Variants in DPP6 observed in about 807,000 individuals in gnomAD.
DPP6 encodes the protein A-type potassium channel modulatory protein DPP6.
In DPP6, 69 loss-of-function variants were observed where a neutral mutation model predicts 122.6. The observed-to-expected ratio is 0.56, with a 90% CI of 0.46 to 0.69. DPP6 has a LOEUF of 0.69. Among genes scored for constraint, DPP6 ranks in the 30% least tolerant of loss-of-function variants. The probability of loss-of-function intolerance (pLI) is 0.00; values close to 1 mark genes in which losing one functional copy is unlikely to be tolerated. For missense variants in DPP6, 928 were observed against 1,116.9 expected (o/e 0.83, Z 2.41); for synonymous variants, 418 against 433.1 (o/e 0.97, Z 0.43).
At chr7:153,804,100 A>AGT in the DPP6 span, among the ~76,000 whole-genome samples, 1 of 150,370 alleles carries the variant, frequency 6.7e-6, no homozygotes, top group Non-Finnish European at 1.5e-5. Context: ...CTCAGGCTGG[A>AGT]GTGCAGTGGT....
intron 1 of DPP6, among the ~76,000 whole-genome samples, chr7:153,892,264 G>T (rs537835444): frequency 2.0e-5 from 3 of 152,128 alleles, no homozygotes; most frequent in Non-Finnish European, 4.4e-5. Flanking sequence ...GCAGAGGCTC[G>T]TTGAGGTTTT....
intron 1 of DPP6, chr7:154,093,039 C>A (rs926801118): frequency 6.6e-6 from 1 of 151,932 alleles, no homozygotes; most frequent in Non-Finnish European, 1.5e-5. Context: ...ACCACTCTTA[C>A]CTTCGAACAC....
chr7:154,414,766 C>T (rs1427826693), intron 1 of DPP6, among the ~76,000 whole-genome samples: 1 of 152,200 alleles, frequency 6.6e-6, no homozygotes, highest in African/African-American at 2.4e-5. Flanking sequence ...AACTGTCCCC[C>T]TTGTGTGGCT....
At chr7:154,736,782 T>C (rs1842588910) in intron 8 of DPP6, among the ~76,000 whole-genome samples, 1 of 152,248 alleles carries the variant, frequency 6.6e-6, no homozygotes, top group African/African-American at 2.4e-5. Context: ...GAGTACTTAA[T>C]AAATGTTCAG....
At chr7:153,979,643 C>T (rs1331120607) in intron 1 of DPP6, among the ~76,000 whole-genome samples, 1 of 152,182 alleles carries the variant, frequency 6.6e-6, no homozygotes, top group Non-Finnish European at 1.5e-5. Context: ...GGGAATGTTT[C>T]CAGCTTTTGC....
At position 154,486,793 on chromosome 7, in the gene DPP6, A is replaced by G. The variant is rs1586426360; in HGVS notation, c.457+11756A>G. Among the ~76,000 whole-genome samples the G allele has an allele frequency of 2.0e-5, 3 of 152,224 alleles. No homozygotes were observed. In the East Asian group the frequency reaches 5.8e-4, roughly 29 times the overall value. ...TGGGGCAGGGCAGCCGATTTCTTCCACACCACGCTGGTCCCTTCCAGAGGT... is the reference window on the plus strand; with the variant it reads ...TGGGGCAGGGCAGCCGATTTCTTCCGCACCACGCTGGTCCCTTCCAGAGGT... On this transcript the variant is annotated intron_variant, in intron 3 of 25. Coordinates refer to ENST00000377770, the MANE Select transcript of DPP6 (RefSeq NM_130797.4). This position sits in a 1 kb window ranked among gnomAD's most constrained non-coding sequence, Gnocchi z 4.5.
intron 1 of DPP6, among the ~76,000 whole-genome samples, chr7:153,969,366 GT>G (rs66748504): frequency 0.98 from 143,779 of 146,192 alleles, 70,728 homozygotes; most frequent in East Asian, 1. Flanking sequence ...TGACAGTTTT[GT>G]TCGAGCTGCT....
chr7:154,102,916 A>ACATGTGAT (rs1212005559), intron 1 of DPP6, among the ~76,000 whole-genome samples: 1 of 152,120 alleles, frequency 6.6e-6, no homozygotes, highest in African/African-American at 2.4e-5. Flanking sequence ...GTTCCACTCA[A>ACATGTGAT]CATGTGATCG....
intron 1 of DPP6, among the ~76,000 whole-genome samples, chr7:154,404,970 AG>A (rs1170548568): frequency 1.3e-5 from 2 of 152,272 alleles, no homozygotes; most frequent in African/African-American, 4.8e-5. Flanking sequence ...GAATAAGTTT[AG>A]TAATAATAAC....
At chr7:154,185,419 C>T (rs74907544) in intron 1 of DPP6, among the ~76,000 whole-genome samples, 2,317 of 152,130 alleles carry the variant, frequency 0.015, 35 homozygotes, top group Non-Finnish European at 0.022. Context: ...TAAATGTCCA[C>T]GCTGGGTATC....
chr7:154,656,429 G>A lies in DPP6; in HGVS notation c.681-12931G>A, dbSNP rs984199354. 2.0e-5 allele frequency among the ~76,000 whole-genome samples: 3 copies of A among 151,176 alleles called. No homozygotes were observed. In the East Asian group the frequency reaches 5.9e-4, roughly 30 times the overall value. On this transcript the variant is annotated intron_variant, in intron 6 of 25. Coordinates refer to ENST00000377770, the MANE Select transcript of DPP6 (RefSeq NM_130797.4). ...GGTCGGGGGAGAGCTGGGAGAAGGGGCAGTCCTGAACATCAAGACAGAGAA... is the reference window on the plus strand; with the variant it reads ...GGTCGGGGGAGAGCTGGGAGAAGGGACAGTCCTGAACATCAAGACAGAGAA...
chr7:154,004,531 A>C (rs1265448938), intron 1 of DPP6, among the ~76,000 whole-genome samples: 1 of 151,566 alleles, frequency 6.6e-6, no homozygotes, highest in Admixed American at 6.6e-5. Flanking sequence ...TGTGGGCTAG[A>C]ATGCAGAAAA....
At chr7:154,017,364 G>A (rs146222004) in intron 1 of DPP6, among the ~76,000 whole-genome samples, 1 of 152,260 alleles carries the variant, frequency 6.6e-6, no homozygotes, top group Non-Finnish European at 1.5e-5. Context: ...TACAGACTGA[G>A]CCACCGTGCC....
At chr7:154,777,239 T>C (rs1215079720) in intron 10 of DPP6, among the ~76,000 whole-genome samples, 2 of 152,052 alleles carry the variant, frequency 1.3e-5, no homozygotes, top group African/African-American at 4.8e-5. Context: ...CATGGAAGTG[T>C]GGAAGGAGCC....
At chr7:153,930,488 T>C (rs1801122883) in intron 1 of DPP6, among the ~76,000 whole-genome samples, 1 of 152,220 alleles carries the variant, frequency 6.6e-6, no homozygotes, top group Non-Finnish European at 1.5e-5. Context: ...GACAAAATTG[T>C]GTGTATTTTT....
At chr7:154,178,986 C>T (rs1797945635) in intron 1 of DPP6, among the ~76,000 whole-genome samples, 1 of 152,194 alleles carries the variant, frequency 6.6e-6, no homozygotes, top group Admixed American at 6.5e-5. Context: ...TCCTGGCCCC[C>T]AGCCCCTCCA....
At chr7:154,204,129 G>A (rs993843019) in intron 1 of DPP6, among the ~76,000 whole-genome samples, 1 of 152,172 alleles carries the variant, frequency 6.6e-6, no homozygotes, top group African/African-American at 2.4e-5. Flanking sequence ...TGCCACCTGC[G>A]CAGTGGTGTG....
chr7:154,221,105 G>T lies in DPP6; in HGVS notation c.243+168042G>T, dbSNP rs572644968. 5.1e-4 allele frequency among the ~76,000 whole-genome samples: 77 copies of T among 152,130 alleles called. 1 individual carries two copies. In the South Asian group the frequency reaches 0.016, roughly 31 times the overall value. The stretch of plus-strand genomic sequence containing the variant: ...CTCGTTATTTAATTACCCACTAAAG[G>T]CCTCTTAACAAAGTCACTCTGGCCA... On this transcript the variant is annotated intron_variant, in intron 1 of 25. Transcript: ENST00000377770.
intron 1 of DPP6, among the ~76,000 whole-genome samples, chr7:154,302,673 A>G (rs1490359157): frequency 1.3e-5 from 2 of 152,220 alleles, no homozygotes. Flanking sequence ...TTTGCACTCT[A>G]TCCATATTTG....
Sources: gnomAD v4.1 joint callset for allele counts (sites outside exome capture counted in the v4.1 genomes callset) on GRCh38, gnomAD v4.1.1 for gene constraint, Gnocchi (gnomAD v3.1) non-coding constraint, MANE v1.5 for transcripts, NCBI Gene and HGNC (gene_info 2026-07-23, HGNC 2026-07-21) for gene names.